ANKRD33B: variants seen among roughly 807,000 people sequenced by gnomAD.
ANKRD33B encodes ankyrin repeat domain-containing protein 33B.
ANKRD33B carries 6 observed loss-of-function variants against 21.5 expected under a neutral mutation model. The observed-to-expected ratio is 0.28, with a 90% CI of 0.15 to 0.55. The LOEUF is 0.55. Among genes scored for constraint, ANKRD33B ranks in the 20% least tolerant of loss-of-function variants. The pLI, the probability that ANKRD33B is intolerant of heterozygous loss-of-function variation, is 0.94. For missense variants in ANKRD33B, 698 were observed against 747.2 expected, an observed-to-expected ratio of 0.93 and a Z score of 0.77; for synonymous variants, 347 against 342.4, an observed-to-expected ratio of 1.01 and a Z score of -0.15.
chr5:10,582,913 A>T (rs867075270), intron 1 of ANKRD33B, among the ~76,000 whole-genome samples: 30 of 151,498 alleles, frequency 2.0e-4, no homozygotes, highest in African/African-American at 6.8e-4. Flanking sequence ...CATGAGGGAG[A>T]TGCTCAACCT....
chr5:10,578,828 C>T (rs1324619690), intron 1 of ANKRD33B, among the ~76,000 whole-genome samples: 2 of 152,096 alleles, frequency 1.3e-5, no homozygotes, highest in Non-Finnish European at 2.9e-5. Flanking sequence ...TAGTGACTTA[C>T]AGTGACTCTA....
chr5:10,624,092 TCTTTA>T (rs10531739), intron 2 of ANKRD33B, among the ~76,000 whole-genome samples: 32,652 of 150,488 alleles, frequency 0.22, 4,119 homozygotes, highest in East Asian at 0.47. Flanking sequence ...ATGTATTTTT[TCTTTA>T]CTTCTTGTTT....
At chr5:10,607,183 T>G (rs972254988) in intron 1 of ANKRD33B, among the ~76,000 whole-genome samples, 1 of 152,192 alleles carries the variant, frequency 6.6e-6, no homozygotes, top group Non-Finnish European at 1.5e-5. Flanking sequence ...ACACTCAGAA[T>G]AGACTGTGAT....
intron 2 of ANKRD33B, among the ~76,000 whole-genome samples, chr5:10,626,559 A>T (rs1420572980): frequency 4.6e-5 from 7 of 152,184 alleles, no homozygotes; most frequent in Non-Finnish European, 4.4e-5. Context: ...GCAACACAAG[A>T]CATCTGCGGG....
chr5:10,627,701 G>T (rs191040496), intron 2 of ANKRD33B, among the ~76,000 whole-genome samples: 6 of 152,342 alleles, frequency 3.9e-5, no homozygotes, highest in Admixed American at 1.3e-4. Context: ...TGATCTCATT[G>T]TGATGTTCAT....
intron 3 of ANKRD33B, 143 bp from the exon 4 acceptor site, chr5:10,649,123 G>C (rs1737257288): frequency 1.4e-6 from 2 of 1,405,208 alleles, no homozygotes; most frequent in African/African-American, 1.5e-5. Flanking sequence ...AGGGTTCGCA[G>C]AGTGAACTAG....
intron 1 of ANKRD33B, among the ~76,000 whole-genome samples, chr5:10,575,457 ATTGTTGGGCC>A (rs1735299978): frequency 6.6e-6 from 1 of 151,570 alleles, no homozygotes; most frequent in Non-Finnish European, 1.5e-5. Flanking sequence ...ATTCTATGCC[ATTGTTGGGCC>A]TTACCTTTAT....
intron 2 of ANKRD33B, among the ~76,000 whole-genome samples, chr5:10,631,769 G>A (rs73036564): frequency 0.02 from 3,115 of 152,292 alleles, 107 homozygotes; most frequent in African/African-American, 0.071. Context: ...TGATCTGAGG[G>A]TGGAGTTTTC....
chr5:10,575,914 T>C (rs1735311981), intron 1 of ANKRD33B, among the ~76,000 whole-genome samples: 1 of 152,088 alleles, frequency 6.6e-6, no homozygotes, highest in Non-Finnish European at 1.5e-5. Context: ...TGGAACCTTT[T>C]TGTGCCTTGA....
chr5:10,624,391 A>G (rs1736495805), intron 2 of ANKRD33B, among the ~76,000 whole-genome samples: 1 of 151,736 alleles, frequency 6.6e-6, no homozygotes, highest in Non-Finnish European at 1.5e-5. Flanking sequence ...TGGCCTCCCA[A>G]AGTGCTGGAA....
At chr5:10,586,270 G>A (rs1735557742) in intron 1 of ANKRD33B, among the ~76,000 whole-genome samples, 1 of 152,080 alleles carries the variant, frequency 6.6e-6, no homozygotes, top group African/African-American at 2.4e-5. Flanking sequence ...TCTGTAGGTG[G>A]ATTTCACTTC....
chr5:10,606,455 G>T (rs897961833), intron 1 of ANKRD33B, among the ~76,000 whole-genome samples: 4 of 152,172 alleles, frequency 2.6e-5, no homozygotes, highest in Admixed American at 2.6e-4. Context: ...ACAAATATTG[G>T]CCTGGCACAG....
At chr5:10,567,866 G>A (rs58194660) in intron 1 of ANKRD33B, among the ~76,000 whole-genome samples, 5,572 of 152,216 alleles carry the variant, frequency 0.037, 371 homozygotes, top group African/African-American at 0.13. Flanking sequence ...GACAGCTTTG[G>A]TGCAGTGGAG....
At chr5:10,582,277 T>C (rs1321198110) in intron 1 of ANKRD33B, among the ~76,000 whole-genome samples, 1 of 152,222 alleles carries the variant, frequency 6.6e-6, no homozygotes, top group Non-Finnish European at 1.5e-5. Flanking sequence ...CATTTTGTAC[T>C]GGGGCTGCAA....
At chr5:10,611,442 C>T (rs542234858) in intron 1 of ANKRD33B, among the ~76,000 whole-genome samples, 11 of 152,134 alleles carry the variant, frequency 7.2e-5, no homozygotes, top group Non-Finnish European at 1.0e-4. Context: ...CTGTGTGGTT[C>T]GCCTGCTTTT....
intron 3 of ANKRD33B, 97 bp downstream of exon 3, chr5:10,638,265 C>A: frequency 7.3e-7 from 1 of 1,367,786 alleles, no homozygotes; most frequent in Non-Finnish European, 9.8e-7. Flanking sequence ...CCCATAGAAA[C>A]AATGCCTAGT....
chr5:10,649,984 C>G lies in ANKRD33B; in HGVS notation c.1356C>G (p.His452Gln). ...AGGGCAGCACCAAGGACAGCGGCCA[C>G]CTGCAGATCCCCAAGTGGCGGTACA... ...ARKGSTKDSG[H>Q]LQIPKWRYKE... The change falls in exon 4 of 4, where the codon CAC becomes CAG. Residue 452 changes from histidine (H) to glutamine (Q), a missense_variant. His to Gln is a conservative substitution (Grantham distance 24). Around this residue, in one of 3 missense-constraint regions of ANKRD33B, gnomAD observed 543 missense variants for 566.5 expected, o/e 0.96. Transcript: ENST00000296657. 1 of 1,533,542 alleles carries G rather than the reference C, an allele frequency of 6.5e-7. No individual in the cohort carries two copies. The highest frequency in any genetic ancestry group is 8.7e-7 in the Non-Finnish European group (1 of 1,144,886). The allele number at this position is 1,533,542 out of a possible 1,614,324, so 95.0% of individuals were successfully genotyped here.
chr5:10,646,374 T>C lies in ANKRD33B; in HGVS notation c.638-2892T>C, dbSNP rs190923813. On this transcript the variant is annotated intron_variant, in intron 3 of 3. Transcript: ENST00000296657. The stretch of plus-strand genomic sequence containing the variant: ...TACTTATCTTTTATAATTTAATTGC[T>C]GTGTTCATGTCATTAATATAACCCT... Among the ~76,000 whole-genome samples, 4 of 152,380 alleles carry C rather than the reference T, an allele frequency of 2.6e-5. No homozygotes were observed. The East Asian group carries it at 7.7e-4, about 29-fold the overall frequency.
At chr5:10,630,451 T>C (rs1467146697) in intron 2 of ANKRD33B, among the ~76,000 whole-genome samples, 2 of 152,158 alleles carry the variant, frequency 1.3e-5, no homozygotes, top group Non-Finnish European at 2.9e-5. Flanking sequence ...AAGGTTCCAC[T>C]AGACAGAGAA....
Sources: gnomAD v4.1 joint callset for allele counts (sites outside exome capture counted in the v4.1 genomes callset) on GRCh38, gnomAD v4.1.1 for gene constraint, gnomAD v4.1.1 regional missense constraint, MANE v1.5 for transcripts, NCBI Gene and HGNC (gene_info 2026-07-23, HGNC 2026-07-21) for gene names.